MORC1: variants seen among roughly 807,000 people sequenced by gnomAD.
The protein encoded by MORC1 is MORC family CW-type zinc finger protein 1.
Under a neutral mutation model 134.9 loss-of-function variants are expected in MORC1, and 59 were observed. That is an observed-to-expected ratio of 0.44 (90% CI 0.35 to 0.54). The LOEUF (loss-of-function observed/expected upper bound fraction) is 0.54. Ranked by LOEUF, MORC1 falls within the 20% of genes least tolerant of loss-of-function variation. MORC1 has a pLI of 0.00. For synonymous variants in MORC1, 395 were observed against 391.7 expected (o/e 1.01, Z -0.10); for missense variants, 947 against 1,134.5 (o/e 0.83, Z 2.37).
At chr3:109,093,365 G>A in intron 8 of MORC1, 71 bp downstream of exon 8, 2 of 1,165,370 alleles carry the variant, frequency 1.7e-6, no homozygotes, top group Non-Finnish European at 2.5e-6. Flanking sequence ...CAGACCTGGA[G>A]CCAGGATGCA....
At chr3:109,084,630 C>T (rs1349913279) in intron 8 of MORC1, among the ~76,000 whole-genome samples, 1 of 152,018 alleles carries the variant, frequency 6.6e-6, no homozygotes, top group Non-Finnish European at 1.5e-5. Flanking sequence ...TGGTATTCTT[C>T]ACAGAAATAG....
intron 8 of MORC1, among the ~76,000 whole-genome samples, chr3:109,070,722 G>A (rs192644525): frequency 5.3e-5 from 8 of 152,262 alleles, no homozygotes; most frequent in African/African-American, 1.7e-4. Flanking sequence ...TACTCAACAG[G>A]TTAACATTAT....
At chr3:108,977,585 A>G (rs1353933940) in intron 24 of MORC1, among the ~76,000 whole-genome samples, 15 of 152,186 alleles carry the variant, frequency 9.9e-5, no homozygotes, top group Non-Finnish European at 1.9e-4. Flanking sequence ...ACATGTGGTC[A>G]TATCTATACA....
chr3:109,054,042 G>C (rs1453429478), intron 14 of MORC1, among the ~76,000 whole-genome samples: 2 of 152,100 alleles, frequency 1.3e-5, no homozygotes, highest in African/African-American at 4.8e-5. Flanking sequence ...CCAGCACTTT[G>C]GGAGGCCGAG....
chr3:109,109,058 T>A (rs932902915), intron 3 of MORC1, among the ~76,000 whole-genome samples: 3 of 152,186 alleles, frequency 2.0e-5, no homozygotes, highest in Non-Finnish European at 4.4e-5. Flanking sequence ...AGCCTCAGCA[T>A]TGTTCCCTGA....
intron 3 of MORC1, among the ~76,000 whole-genome samples, chr3:109,108,712 A>G (rs148103949): frequency 0.017 from 2,535 of 152,210 alleles, 69 homozygotes; most frequent in African/African-American, 0.057. Context: ...CCTGGCTAAC[A>G]TGGTGAAACC....
At chr3:109,003,430 C>CACACACAT (rs1553746836) in intron 20 of MORC1, among the ~76,000 whole-genome samples, 13 of 146,974 alleles carry the variant, frequency 8.8e-5, no homozygotes, top group Non-Finnish European at 1.8e-4. Context: ...CACACACACA[C>CACACACAT]GCATGCATAC....
chr3:109,000,464 A>G, intron 21 of MORC1, 93 bp downstream of exon 21: 1 of 959,086 alleles, frequency 1.0e-6, no homozygotes, highest in Non-Finnish European at 1.5e-6. Context: ...TTTCCAACTA[A>G]ATGTTTCCAC....
intron 3 of MORC1, among the ~76,000 whole-genome samples, chr3:109,106,057 A>C (rs1450703310): frequency 1.3e-5 from 2 of 152,232 alleles, no homozygotes; most frequent in Non-Finnish European, 2.9e-5. Flanking sequence ...TGCATAAGGC[A>C]GTAGCTCTCA....
At chr3:109,086,096 A>C (rs1950611445) in intron 8 of MORC1, among the ~76,000 whole-genome samples, 1 of 152,026 alleles carries the variant, frequency 6.6e-6, no homozygotes. Context: ...AGGTAATAGG[A>C]TGGGGATGAA....
intron 6 of MORC1, 127 bp from the exon 7 acceptor site, chr3:109,095,195 C>T (rs1007913623): frequency 1.2e-6 from 1 of 819,876 alleles, no homozygotes; most frequent in Admixed American, 3.4e-5. Flanking sequence ...GTTCATTTTC[C>T]TCCTATAATC....
intron 21 of MORC1, among the ~76,000 whole-genome samples, chr3:108,992,399 CAT>C (rs1948089102): frequency 6.6e-6 from 1 of 152,136 alleles, no homozygotes; most frequent in Non-Finnish European, 1.5e-5. Context: ...TACTCCAGCA[CAT>C]ATTCTTCCTT....
intron 14 of MORC1, among the ~76,000 whole-genome samples, chr3:109,044,775 T>C (rs1949645160): frequency 6.7e-6 from 1 of 149,590 alleles, no homozygotes; most frequent in Non-Finnish European, 1.5e-5. Context: ...TGAAACTCTG[T>C]CTCTACTAAA....
intron 9 of MORC1, among the ~76,000 whole-genome samples, chr3:109,063,457 G>T (rs75001197): frequency 6.6e-6 from 1 of 151,956 alleles, no homozygotes; most frequent in Admixed American, 6.6e-5. Context: ...TCATGAGAGC[G>T]ATAAGAAAAT....
At chr3:109,113,246 T>G (rs1951204893) in intron 2 of MORC1, among the ~76,000 whole-genome samples, 1 of 152,196 alleles carries the variant, frequency 6.6e-6, no homozygotes, top group Non-Finnish European at 1.5e-5. Flanking sequence ...TTCATCCTTA[T>G]TAGCTCCTTC....
At chr3:109,033,492 C>G (rs1021581421) in intron 15 of MORC1, among the ~76,000 whole-genome samples, 6 of 152,140 alleles carry the variant, frequency 3.9e-5, no homozygotes, top group Non-Finnish European at 1.5e-5. Context: ...ACTTCCCTCT[C>G]CAGGCTACAC....
rs763938331 is a variant in MORC1 at position 109,054,736 on chromosome 3, G to A, written c.1322C>T (p.Thr441Ile). The change falls in exon 14 of 28, where the codon ACC (threonine) becomes ATC (isoleucine). Residue 441 changes from threonine to isoleucine, a missense_variant. Thr to Ile is a moderately conservative substitution (Grantham distance 89). Coordinates refer to ENST00000232603, the MANE Select transcript of MORC1 (RefSeq NM_014429.4). ...GACTATTGAATACTCACTGATGCCG[G>A]TGTCCTTACAGTACTGGACCAAGTA... The part of the protein sequence containing the change: ...GQYLVQYCKD[T>I]GINNRNLTLF... The A allele has an allele frequency of 2.6e-6, 4 of 1,540,970 alleles. No individual in the cohort carries two copies. Among genetic ancestry groups the A allele is most frequent in the Admixed American group, 2.4e-5 (1 of 41,712 alleles).
intron 21 of MORC1, among the ~76,000 whole-genome samples, chr3:108,989,596 A>T (rs925162878): frequency 6.6e-6 from 1 of 152,212 alleles, no homozygotes; most frequent in African/African-American, 2.4e-5. Flanking sequence ...AAGGAAACTT[A>T]AAAACTGAGT....
At chr3:108,964,526 A>G (rs1947164888) in intron 26 of MORC1, among the ~76,000 whole-genome samples, 1 of 152,160 alleles carries the variant, frequency 6.6e-6, no homozygotes, top group Non-Finnish European at 1.5e-5. Flanking sequence ...TGACATCCAC[A>G]TCATCTCCTT....
Sources: allele counts gnomAD v4.1 joint callset (sites outside exome capture counted in the v4.1 genomes callset), GRCh38; gene constraint gnomAD v4.1.1; transcripts MANE v1.5; gene names NCBI Gene and HGNC (gene_info 2026-07-23, HGNC 2026-07-21).